Variants in TNS3 observed in about 807,000 individuals in gnomAD.
TNS3 encodes tensin-3.
TNS3 carries 45 observed loss-of-function variants against 140.9 expected under a neutral mutation model. The observed-to-expected ratio is 0.32, with a 90% confidence interval of 0.25 to 0.41. The LOEUF is 0.41. Among genes scored for constraint, TNS3 ranks in the 10% least tolerant of loss-of-function variants. TNS3 has a pLI of 1.00. For synonymous variants in TNS3, 815 were observed against 788.4 expected (o/e 1.03, Z -0.56); for missense variants, 1,716 against 1,906.7 (o/e 0.90, Z 1.86).
chr7:47,519,240 C>G (rs1300321233), intron 2 of TNS3, among the ~76,000 whole-genome samples: 2 of 134,682 alleles, frequency 1.5e-5, no homozygotes. Context: ...TAACCTGCCC[C>G]CCATTTAAGA....
chr7:47,535,619 A>G (rs549368139), intron 1 of TNS3, among the ~76,000 whole-genome samples: 2 of 152,366 alleles, frequency 1.3e-5, no homozygotes, highest in African/African-American at 4.8e-5. Context: ...GTTAGGAACA[A>G]AATGTTGGAA....
chr7:47,322,915 C>G (rs569694655), intron 20 of TNS3, among the ~76,000 whole-genome samples: 1 of 152,306 alleles, frequency 6.6e-6, no homozygotes, highest in East Asian at 1.9e-4. Flanking sequence ...CTGCTGGAAC[C>G]GTGTCAGAGG....
intron 3 of TNS3, among the ~76,000 whole-genome samples, chr7:47,490,596 G>A (rs1049558975): frequency 7.2e-5 from 11 of 152,212 alleles, no homozygotes; most frequent in Non-Finnish European, 1.5e-4. Flanking sequence ...TGCCGCCTTC[G>A]CCTGGAGCAT....
chr7:47,467,883 G>A (rs1454813768), intron 4 of TNS3, among the ~76,000 whole-genome samples: 1 of 152,208 alleles, frequency 6.6e-6, no homozygotes, highest in Non-Finnish European at 1.5e-5. Flanking sequence ...CCAAGTGGAT[G>A]TAGGTTGGAG....
intron 21 of TNS3, 79 bp from the exon 22 acceptor site, chr7:47,303,663 G>T: frequency 6.9e-7 from 1 of 1,456,066 alleles, no homozygotes. Flanking sequence ...TCACCCACAC[G>T]GGAAGACAGG....
At chr7:47,489,334 C>G (rs554984765) in intron 3 of TNS3, among the ~76,000 whole-genome samples, 2 of 152,318 alleles carry the variant, frequency 1.3e-5, no homozygotes, top group South Asian at 4.1e-4. Flanking sequence ...AAAAGAAAGG[C>G]TCAAGCTTTC....
intron 16 of TNS3, among the ~76,000 whole-genome samples, chr7:47,383,961 T>C (rs1584529816): frequency 1.3e-5 from 2 of 152,296 alleles, no homozygotes; most frequent in South Asian, 4.2e-4. Context: ...AAGTTCCTCC[T>C]CATAAGGAGA....
chr7:47,421,868 C>T (rs1192454270), intron 10 of TNS3, among the ~76,000 whole-genome samples: 1 of 152,150 alleles, frequency 6.6e-6, no homozygotes, highest in Non-Finnish European at 1.5e-5. Context: ...CTGAGCTTCC[C>T]AGTCACAAAT....
chr7:47,437,952 T>C (rs1799372), intron 6 of TNS3, among the ~76,000 whole-genome samples: 40,535 of 150,832 alleles, frequency 0.27, 6,400 homozygotes, highest in Non-Finnish European at 0.34. Flanking sequence ...GCTGAGTTCA[T>C]GCCCGGCCAA....
intron 27 of TNS3, among the ~76,000 whole-genome samples, chr7:47,284,551 C>A (rs1358875884): frequency 6.6e-6 from 1 of 152,208 alleles, no homozygotes; most frequent in Non-Finnish European, 1.5e-5. Context: ...GCAGTTCAAG[C>A]ATAAGTGCAC....
chr7:47,395,682 C>A (rs1453560417), intron 16 of TNS3, among the ~76,000 whole-genome samples: 5 of 152,220 alleles, frequency 3.3e-5, no homozygotes, highest in Non-Finnish European at 7.3e-5. Flanking sequence ...GCAAAGAACA[C>A]TCTGTTTACT....
intron 16 of TNS3, among the ~76,000 whole-genome samples, chr7:47,377,733 C>CTCCTCCTCCCTT (rs1217793938): frequency 2.0e-5 from 3 of 150,608 alleles, no homozygotes; most frequent in East Asian, 3.9e-4. Flanking sequence ...CCTCCTCCTT[C>CTCCTCCTCCCTT]TCCTCCTCCC....
intron 1 of TNS3, among the ~76,000 whole-genome samples, chr7:47,530,695 G>T (rs987475353): frequency 1.3e-5 from 2 of 150,968 alleles, no homozygotes; most frequent in Non-Finnish European, 3.0e-5. Flanking sequence ...CATGGTGGTG[G>T]TGCCTGTAAT....
At chr7:47,454,789 T>G (rs980989107) in intron 4 of TNS3, among the ~76,000 whole-genome samples, 2 of 152,178 alleles carry the variant, frequency 1.3e-5, no homozygotes, top group South Asian at 4.2e-4. Context: ...GGGGCTCCCA[T>G]CCATAGGCGA....
intron 1 of TNS3, among the ~76,000 whole-genome samples, chr7:47,548,852 C>T (rs556116234): frequency 6.6e-6 from 1 of 152,314 alleles, no homozygotes; most frequent in South Asian, 2.1e-4. Flanking sequence ...CTTCAACCCT[C>T]CAAATAAGAA....
At chr7:47,316,628 A>G (rs1787427828) in intron 20 of TNS3, among the ~76,000 whole-genome samples, 1 of 151,214 alleles carries the variant, frequency 6.6e-6, no homozygotes. Flanking sequence ...CAGGAGTTTG[A>G]GACCAGCCTG....
intron 24 of TNS3, among the ~76,000 whole-genome samples, chr7:47,294,254 T>C (rs1443573903): frequency 6.6e-6 from 1 of 152,186 alleles, no homozygotes; most frequent in Non-Finnish European, 1.5e-5. Flanking sequence ...TGAAAAGAGC[T>C]GGAAGGAGGT....
chr7:47,413,251 CTTTTTTTTTTTTT>C (rs71003398), intron 12 of TNS3, among the ~76,000 whole-genome samples: 5 of 52,902 alleles, frequency 9.5e-5, no homozygotes, highest in Admixed American at 2.9e-4. Context: ...CAAGCCTGGC[CTTTTTTTTTTTTT>C]TTTTTTTTTT....
intron 9 of TNS3, among the ~76,000 whole-genome samples, chr7:47,425,869 C>T (rs941908918): frequency 6.6e-6 from 1 of 152,020 alleles, no homozygotes; most frequent in African/African-American, 2.4e-5. Context: ...TGATAAAGAT[C>T]TCAAATGTGT....
Sources: gnomAD v4.1 joint callset for allele counts (sites outside exome capture counted in the v4.1 genomes callset) on GRCh38, gnomAD v4.1.1 for gene constraint, MANE v1.5 for transcripts, NCBI Gene and HGNC (gene_info 2026-07-23, HGNC 2026-07-21) for gene names.